COL4A6: variants seen among roughly 807,000 people sequenced by gnomAD.
The protein encoded by COL4A6 is collagen alpha-6(IV) chain.
Under a neutral mutation model 126.7 loss-of-function variants are expected in COL4A6, and 59 were observed. That is an observed-to-expected ratio of 0.47 (90% CI 0.38 to 0.58). The LOEUF (loss-of-function observed/expected upper bound fraction) is 0.58. Among genes scored for constraint, COL4A6 ranks in the 20% least tolerant of loss-of-function variants. COL4A6 has a pLI of 0.00. For missense variants in COL4A6, 1,285 were observed against 1,337.3 expected, an observed-to-expected ratio of 0.96 and a Z score of 0.61; for synonymous variants, 547 against 496.6, an observed-to-expected ratio of 1.10 and a Z score of -1.35.
At chrX:108,378,811 T>C (rs2040500209) in intron 2 of COL4A6, among the ~76,000 whole-genome samples, 1 of 113,337 alleles carries the variant, frequency 8.8e-6, no homozygotes, top group African/African-American at 3.2e-5. Context: ...TTTTTGTAAA[T>C]AAAATTTTAT....
intron 2 of COL4A6, among the ~76,000 whole-genome samples, chrX:108,358,022 T>C (rs2039996346): frequency 9.0e-6 from 1 of 111,727 alleles, no homozygotes; most frequent in South Asian, 3.8e-4. Context: ...TTCAAGGTTA[T>C]TCTTGTATAA....
chrX:108,179,170 A>G (rs759406719), intron 26 of COL4A6, 47 bp downstream of exon 26: 1 of 1,112,990 alleles, frequency 9.0e-7, no homozygotes, highest in Non-Finnish European at 1.2e-6. Flanking sequence ...ACGAATTAAT[A>G]TAAGGCTTTC....
intron 3 of COL4A6, among the ~76,000 whole-genome samples, chrX:108,278,365 T>C (rs1569401252): frequency 8.9e-6 from 1 of 111,962 alleles, no homozygotes; most frequent in Non-Finnish European, 1.9e-5. Context: ...CAGGAGCCGA[T>C]GCAATCAACT....
In COL4A6 at chrX:108,425,693, C is replaced by T. The variant is rs777227998; in HGVS notation, c.63+12249G>A. On this transcript the variant is annotated intron_variant, in intron 2 of 44. Coordinates refer to ENST00000334504, the MANE Select transcript of COL4A6 (RefSeq NM_033641.4). ...AGGTTGCAGTGAGCCGAGATCGCAC[C>T]ACTGCACTCCAGCCTGGGCGACAGC... 2.8e-5 allele frequency among the ~76,000 whole-genome samples: 3 copies of T among 108,237 alleles called. No individual in the cohort carries two copies. In the South Asian group the frequency reaches 1.3e-3, roughly 46 times the overall value. 94.0% of individuals were successfully genotyped at this position (108,237 alleles called of 115,157 possible). A position where few individuals can be genotyped will look rare whatever the true frequency, so the allele number is the denominator to read the frequency against.
chrX:108,193,733 C>T lies in COL4A6; in HGVS notation c.1003-36G>A, dbSNP rs1233167937. On this transcript the variant is annotated intron_variant, in intron 16 of 44. Coordinates refer to ENST00000334504, the MANE Select transcript of COL4A6 (RefSeq NM_033641.4). Reference sequence around the variant, plus strand: ...TAAGTACATTAAACACAAATATTTCCATTTCCTTATTACCCAAGATCTATG... The same window carrying T: ...TAAGTACATTAAACACAAATATTTCTATTTCCTTATTACCCAAGATCTATG... The T allele has an allele frequency of 2.7e-6, 3 of 1,094,520 alleles. No homozygotes were observed. In the East Asian group the frequency reaches 9.1e-5, roughly 33 times the overall value. The allele number at this position is 1,094,520 out of a possible 1,213,427, so 90.2% of individuals were successfully genotyped here. A position where few individuals can be genotyped will look rare whatever the true frequency, so the allele number is the denominator to read the frequency against.
rs1290047213 is a variant in COL4A6, at chrX:108,283,643, T to G, written c.144+27105A>C. Reference sequence around the variant, plus strand: ...AGTGGAATGAGTCTCAAAGACTATCTTTCTATTCTCTTCAGTACCTAAAGC... The same window carrying G: ...AGTGGAATGAGTCTCAAAGACTATCGTTCTATTCTCTTCAGTACCTAAAGC... On this transcript the variant is annotated intron_variant, in intron 3 of 44. Coordinates refer to ENST00000334504, the MANE Select transcript of COL4A6 (RefSeq NM_033641.4). Among the ~76,000 whole-genome samples the G allele has an allele frequency of 1.1e-4, 12 of 110,590 alleles. No homozygotes were observed. In the Admixed American group the frequency reaches 1.2e-3, roughly 11 times the overall value.
intron 3 of COL4A6, among the ~76,000 whole-genome samples, chrX:108,255,185 C>CAAAA (rs34052577): frequency 6.3e-5 from 2 of 31,556 alleles, no homozygotes; most frequent in African/African-American, 1.4e-4. Context: ...CCACAGGGGG[C>CAAAA]AAAAAAAAAA....
At chrX:108,175,057 A>T in intron 30 of COL4A6, 33 bp downstream of exon 30, 1 of 1,148,443 alleles carries the variant, frequency 8.7e-7, no homozygotes. Context: ...GCCTCTCTTG[A>T]GCATTTCTCC....
intron 3 of COL4A6, among the ~76,000 whole-genome samples, chrX:108,286,343 T>G (rs2147827524): frequency 8.9e-6 from 1 of 112,421 alleles, no homozygotes; most frequent in Admixed American, 9.4e-5. Flanking sequence ...CTATTCAAAC[T>G]GGATCAGGAC....
In COL4A6 at chrX:108,156,055, GT is replaced by G. The variant is rs954644201; in HGVS notation, c.*944del. ...AGGAAACCAACACTGTGCAGCTTCA[GT>G]TTGCCACATTGCACACATCTGGATG... On this transcript the variant is annotated 3_prime_UTR_variant, in exon 45 of 45. Transcript: ENST00000334504. The G allele has an allele frequency of 7.1e-5, 8 of 112,466 alleles. No homozygotes were observed. Among genetic ancestry groups the G allele is most frequent in the Non-Finnish European group, 1.1e-4 (6 of 53,317 alleles). 9.3% of individuals were successfully genotyped at this position (112,466 alleles called of 1,213,427 possible). A position where few individuals can be genotyped will look rare whatever the true frequency, so the allele number is the denominator to read the frequency against.
intron 2 of COL4A6, 33 bp from the exon 3 acceptor site, chrX:108,310,861 G>A (rs755241474): frequency 9.1e-7 from 1 of 1,103,798 alleles, no homozygotes; most frequent in East Asian, 3.0e-5. Context: ...AATAAACCAT[G>A]TGAACCAAGA....
intron 3 of COL4A6, among the ~76,000 whole-genome samples, chrX:108,281,470 A>G (rs1377798598): frequency 2.0e-5 from 2 of 102,553 alleles, no homozygotes; most frequent in East Asian, 3.0e-4. Context: ...GGAGAACTAC[A>G]AACCACTGCT....
At chrX:108,179,149 C>A in intron 26 of COL4A6, 68 bp downstream of exon 26, 1 of 984,497 alleles carries the variant, frequency 1.0e-6, no homozygotes, top group Non-Finnish European at 1.4e-6. Flanking sequence ...TGCAAGTATT[C>A]ATGGAAGTAT....
At chrX:108,249,178 G>C in intron 3 of COL4A6, among the ~76,000 whole-genome samples, 1 of 111,141 alleles carries the variant, frequency 9.0e-6, no homozygotes, top group Middle Eastern at 4.6e-3. Flanking sequence ...CTGGTCTGTG[G>C]TAAAATTGTC....
At chrX:108,192,392 C>G (rs1420704313) in intron 18 of COL4A6, 81 bp downstream of exon 18, 1 of 706,931 alleles carries the variant, frequency 1.4e-6, no homozygotes, top group African/African-American at 2.1e-5. Flanking sequence ...TGTGCCCCGA[C>G]CCAGAGGTAT....
At chrX:108,352,321 A>G (rs1348955408) in intron 2 of COL4A6, among the ~76,000 whole-genome samples, 1 of 112,750 alleles carries the variant, frequency 8.9e-6, no homozygotes, top group Non-Finnish European at 1.9e-5. Flanking sequence ...TCCTCCCCTC[A>G]AAAGTGGGCT....
In COL4A6 at chrX:108,156,659, G is replaced by A. The variant is rs1415144674; in HGVS notation, c.*341C>T. ...GAAATGACTGATTAGCGATTAGGAA[G>A]AGCTTTCCGATCAAGACGGTAAGGA... On this transcript the variant is annotated 3_prime_UTR_variant, in exon 45 of 45. Transcript: ENST00000334504. The A allele has an allele frequency of 7.3e-6, 2 of 275,246 alleles. No homozygotes were observed. The highest frequency in any genetic ancestry group is 1.3e-5 in the Non-Finnish European group (2 of 156,332). 22.7% of individuals were successfully genotyped at this position (275,246 alleles called of 1,213,427 possible). A position where few individuals can be genotyped will look rare whatever the true frequency, so the allele number is the denominator to read the frequency against.
chrX:108,185,384 C>T lies in COL4A6; in HGVS notation c.1951+1712G>A, dbSNP rs1305915277. 9.1e-4 allele frequency among the ~76,000 whole-genome samples: 48 copies of T among 52,514 alleles called. 1 individual carries two copies. Among genetic ancestry groups the T allele is most frequent in the Non-Finnish European group, 1.4e-3 (34 of 24,937 alleles). The allele number at this position is 52,514 out of a possible 115,157, so 45.6% of individuals were successfully genotyped here. A position where few individuals can be genotyped will look rare whatever the true frequency, so the allele number is the denominator to read the frequency against. On this transcript the variant is annotated intron_variant, in intron 23 of 44. Coordinates refer to ENST00000334504, the MANE Select transcript of COL4A6 (RefSeq NM_033641.4). ...TACAGCCTGGGTGAGAGTAAGACTT[C>T]ATTTCAGAAAAAAAAAAAAAAGGAA... is the stretch of plus-strand genomic sequence containing the variant.
Position 108,179,268 on chromosome X carries a change from A to T in COL4A6, c.2302T>A (p.Leu768Ile). 8.3e-7 allele frequency: 1 copy of T among 1,211,402 alleles called. No homozygotes were observed. Reference protein sequence around the residue: ...GAPGEQGLQGLTGHKGFLGDS... With the variant: ...GAPGEQGLQGITGHKGFLGDS... ...CCAAGAAATCCTTTGTGCCCTGTTA[A>T]TCCTTGTAGGCCTTGTTCCCCCGGA... The change falls in exon 26 of 45, where the codon TTA becomes ATA. Residue 768 changes from leucine to isoleucine, a missense_variant. Physicochemically the swap from Leu to Ile is conservative, Grantham distance 5. Coordinates refer to ENST00000334504, the MANE Select transcript of COL4A6 (RefSeq NM_033641.4).
Sources: gnomAD v4.1 joint callset for allele counts (sites outside exome capture counted in the v4.1 genomes callset) on GRCh38, gnomAD v4.1.1 for gene constraint, MANE v1.5 for transcripts, NCBI Gene and HGNC (gene_info 2026-07-23, HGNC 2026-07-21) for gene names.